The following NRDC variants were observed in gnomAD, a reference collection of about 807,000 sequenced individuals.
NRDC encodes the protein nardilysin.
Under a neutral mutation model 147.1 loss-of-function variants are expected in NRDC, and 54 were observed. The ratio of observed to expected loss-of-function variants is 0.37; its 90% CI spans 0.29 to 0.46. The LOEUF (loss-of-function observed/expected upper bound fraction) is 0.46. Among genes scored for constraint, NRDC ranks in the 20% least tolerant of loss-of-function variants. The pLI, the probability that NRDC is intolerant of heterozygous loss-of-function variation, is 1.00. For synonymous variants in NRDC, 440 were observed against 482.1 expected, an observed-to-expected ratio of 0.91 and a Z score of 1.14; for missense variants, 1,082 against 1,370.6, an observed-to-expected ratio of 0.79 and a Z score of 3.33.
chr1:51,810,747 T>C (rs914416234), intron 15 of NRDC, among the ~76,000 whole-genome samples: 1 of 152,236 alleles, frequency 6.6e-6, no homozygotes, highest in South Asian at 2.1e-4. Flanking sequence ...CATTATTTCA[T>C]TTATTCCTAA....
intron 5 of NRDC, 40 bp from the exon 6 acceptor site, chr1:51,825,422 G>A: frequency 7.2e-7 from 1 of 1,392,816 alleles, no homozygotes. Flanking sequence ...ACAAAATTCA[G>A]TATCTCCTTT....
chr1:51,875,923 A>C (rs932866266), intron 1 of NRDC, among the ~76,000 whole-genome samples: 3 of 152,122 alleles, frequency 2.0e-5, no homozygotes, highest in Non-Finnish European at 4.4e-5. Flanking sequence ...GTACTGGCTC[A>C]ATCATTTTTG....
intron 7 of NRDC, among the ~76,000 whole-genome samples, chr1:51,822,465 C>A (rs527794511): frequency 3.9e-5 from 6 of 152,260 alleles, no homozygotes; most frequent in Admixed American, 2.0e-4. Flanking sequence ...CACCTGAGCC[C>A]AGGCATTTGA....
At chr1:51,812,195 A>C in intron 14 of NRDC, 97 bp from the exon 15 acceptor site, 1 of 858,558 alleles carries the variant, frequency 1.2e-6, no homozygotes, top group South Asian at 1.5e-5. Flanking sequence ...TATTAACAAT[A>C]AAACCAAAAG....
chr1:51,842,996 G>C (rs978810001), intron 1 of NRDC, among the ~76,000 whole-genome samples: 3 of 146,348 alleles, frequency 2.0e-5, no homozygotes, highest in African/African-American at 7.6e-5. Context: ...CCCGGGACAT[G>C]GAAGTTGCCG....
At chr1:51,837,396 A>T in intron 2 of NRDC, 1 of 1,236,210 alleles carries the variant, frequency 8.1e-7, no homozygotes, top group Non-Finnish European at 1.1e-6. Flanking sequence ...TTGAAGACTT[A>T]GGCACATAAA....
intron 4 of NRDC, among the ~76,000 whole-genome samples, chr1:51,832,300 G>GC (rs1444017872): frequency 2.0e-5 from 3 of 152,018 alleles, no homozygotes; most frequent in African/African-American, 4.8e-5. Flanking sequence ...GCCCACCTCG[G>GC]CCCCCCAAAG....
chr1:51,843,063 C>CCAA (rs761341026), intron 1 of NRDC, among the ~76,000 whole-genome samples: 16 of 67,986 alleles, frequency 2.4e-4, no homozygotes, highest in African/African-American at 8.8e-4. Context: ...AAACCTGTCT[C>CCAA]AAAAAAAAAA....
At chr1:51,826,925 G>T (rs959722847) in intron 5 of NRDC, among the ~76,000 whole-genome samples, 1 of 152,164 alleles carries the variant, frequency 6.6e-6, no homozygotes, top group African/African-American at 2.4e-5. Context: ...TTAAGACACA[G>T]ATAACAGTTC....
intron 4 of NRDC, among the ~76,000 whole-genome samples, chr1:51,832,449 T>C (rs1270005779): frequency 2.0e-5 from 3 of 152,222 alleles, no homozygotes; most frequent in Non-Finnish European, 4.4e-5. Context: ...AGGAACTGCA[T>C]TAATTCATTT....
At chr1:51,791,433 T>C (rs1678649279) in intron 27 of NRDC, 145 bp downstream of exon 27, 2 of 684,298 alleles carry the variant, frequency 2.9e-6, no homozygotes, top group East Asian at 5.1e-5. Flanking sequence ...AGACCATCTA[T>C]AACAACCCCC....
intron 1 of NRDC, among the ~76,000 whole-genome samples, chr1:51,864,263 A>C (rs1299425222): frequency 6.6e-6 from 1 of 152,222 alleles, no homozygotes; most frequent in Non-Finnish European, 1.5e-5. Flanking sequence ...CTATGTGGAA[A>C]GACATTTTCA....
At chr1:51,821,442 A>G (rs1458373208) in intron 8 of NRDC, 56 bp downstream of exon 8, 1 of 1,230,542 alleles carries the variant, frequency 8.1e-7, no homozygotes, top group African/African-American at 1.5e-5. Flanking sequence ...GACTCATACA[A>G]GATAATGGTC....
intron 13 of NRDC, chr1:51,814,343 C>A: frequency 3.5e-6 from 2 of 570,868 alleles, no homozygotes; most frequent in Non-Finnish European, 6.1e-6. Flanking sequence ...AAAAGAGAAG[C>A]GTGAAAATAA....
At chr1:51,860,753 A>C (rs1162070327) in intron 1 of NRDC, among the ~76,000 whole-genome samples, 1 of 152,216 alleles carries the variant, frequency 6.6e-6, no homozygotes, top group Admixed American at 6.5e-5. Flanking sequence ...GCTACCTACA[A>C]GAACCTTCCT....
chr1:51,831,530 T>C (rs1419708221), intron 4 of NRDC, among the ~76,000 whole-genome samples: 2 of 152,136 alleles, frequency 1.3e-5, no homozygotes, highest in Admixed American at 6.6e-5. Context: ...TCTAAATTTA[T>C]AGGAAAGATC....
At chr1:51,843,284 T>C (rs1392103905) in intron 1 of NRDC, among the ~76,000 whole-genome samples, 1 of 129,802 alleles carries the variant, frequency 7.7e-6, no homozygotes, top group African/African-American at 2.9e-5. Flanking sequence ...AAGCAAGACA[T>C]AAATTTACTC....
intron 1 of NRDC, among the ~76,000 whole-genome samples, chr1:51,850,867 GTAAA>G (rs1681914043): frequency 6.6e-6 from 1 of 152,150 alleles, no homozygotes; most frequent in Non-Finnish European, 1.5e-5. Flanking sequence ...TTGACACCCT[GTAAA>G]TAAACACCAT....
chr1:51,841,008 A>G (rs955246283), intron 1 of NRDC, among the ~76,000 whole-genome samples: 1 of 152,240 alleles, frequency 6.6e-6, no homozygotes, highest in African/African-American at 2.4e-5. Context: ...AATGTTTGAC[A>G]TATCAGTCTC....
Sources: allele counts gnomAD v4.1 joint callset (sites outside exome capture counted in the v4.1 genomes callset), GRCh38; gene constraint gnomAD v4.1.1; transcripts MANE v1.5; gene names NCBI Gene and HGNC (gene_info 2026-07-23, HGNC 2026-07-21).